Variants in MECOM observed in about 807,000 individuals in gnomAD.
MECOM encodes the protein histone-lysine N-methyltransferase MECOM.
Under a neutral mutation model 116.3 loss-of-function variants are expected in MECOM, and 13 were observed. The ratio of observed to expected loss-of-function variants is 0.11; its 90% confidence interval spans 0.07 to 0.18. The LOEUF is 0.18. Among genes scored for constraint, MECOM ranks in the 10% least tolerant of loss-of-function variants. The probability of loss-of-function intolerance (pLI) is 1.00; values close to 1 mark genes in which losing one functional copy is unlikely to be tolerated. For missense variants in MECOM, 1,299 were observed against 1,509.0 expected, an observed-to-expected ratio of 0.86 and a Z score of 2.31; for synonymous variants, 528 against 535.2, an observed-to-expected ratio of 0.99 and a Z score of 0.19.
At chr3:169,457,767 C>G (rs527972672) in intron 1 of MECOM, among the ~76,000 whole-genome samples, 1 of 152,300 alleles carries the variant, frequency 6.6e-6, no homozygotes, top group Non-Finnish European at 1.5e-5. Flanking sequence ...CAGGCCCTCA[C>G]TGAGGATTTG....
intron 2 of MECOM, among the ~76,000 whole-genome samples, chr3:169,358,725 T>G (rs1270992185): frequency 6.6e-6 from 1 of 151,688 alleles, no homozygotes; most frequent in South Asian, 2.1e-4. Context: ...TACTATTTAA[T>G]GCATGAAAGA....
At chr3:169,414,970 T>C (rs958732570) in intron 1 of MECOM, among the ~76,000 whole-genome samples, 2 of 152,178 alleles carry the variant, frequency 1.3e-5, no homozygotes, top group Non-Finnish European at 2.9e-5. Context: ...CAGGATATTA[T>C]CCAGGAGAAC....
chr3:169,135,747 C>T (rs955506086), intron 3 of MECOM, among the ~76,000 whole-genome samples: 1 of 151,700 alleles, frequency 6.6e-6, no homozygotes, highest in Non-Finnish European at 1.5e-5. Flanking sequence ...TTCTATGAAG[C>T]AATATTTGTG....
intron 9 of MECOM, among the ~76,000 whole-genome samples, chr3:169,112,171 G>C (rs1282051596): frequency 6.6e-6 from 1 of 152,022 alleles, no homozygotes; most frequent in African/African-American, 2.4e-5. Flanking sequence ...AGGACTTTAG[G>C]ATGAACCAAT....
At chr3:169,580,678 A>G (rs1765025109) in intron 1 of MECOM, among the ~76,000 whole-genome samples, 1 of 152,168 alleles carries the variant, frequency 6.6e-6, no homozygotes, top group Non-Finnish European at 1.5e-5. Context: ...TAATTAATTA[A>G]GTTAGTAAGT....
rs762113818 is a variant in MECOM at position 169,523,035 on chromosome 3, T to C, written c.37+140301A>G. ...ATGACATCATGTTATAGATGATTTT[T>C]GTAATGTCATCACTTTGAAAAATTA... On this transcript the variant is annotated intron_variant, in intron 1 of 16. Coordinates refer to ENST00000651503, the MANE Select transcript of MECOM (RefSeq NM_004991.4). 9.2e-5 allele frequency among the ~76,000 whole-genome samples: 14 copies of C among 152,360 alleles called. No homozygotes were observed. In the Middle Eastern group the frequency reaches 0.01, roughly 111 times the overall value.
At chr3:169,371,514 TACAC>T (rs35247420) in intron 2 of MECOM, among the ~76,000 whole-genome samples, 4 of 149,550 alleles carry the variant, frequency 2.7e-5, no homozygotes, top group African/African-American at 4.9e-5. Flanking sequence ...GTATTTTCAC[TACAC>T]ACACACACAC....
At chr3:169,561,395 T>C (rs1405519228) in intron 1 of MECOM, among the ~76,000 whole-genome samples, 1 of 152,112 alleles carries the variant, frequency 6.6e-6, no homozygotes, top group Non-Finnish European at 1.5e-5. Context: ...TGAAATATTA[T>C]AAAGCAATAA....
intron 2 of MECOM, among the ~76,000 whole-genome samples, chr3:169,270,416 C>T (rs980753885): frequency 7.2e-5 from 11 of 151,806 alleles, no homozygotes; most frequent in Non-Finnish European, 1.2e-4. Context: ...TACTTATATG[C>T]AATTTATAAT....
Position 169,090,044 on chromosome 3 carries a change from T to C in MECOM, c.3357A>G (p.Glu1119=). The C allele has an allele frequency of 6.2e-7, 1 of 1,613,668 alleles. No individual in the cohort carries two copies. Among genetic ancestry groups the C allele is most frequent in the Non-Finnish European group, 8.5e-7 (1 of 1,179,674 alleles). ...AACTCATCTCCAGGGCACTGGTTTC[T>C]TCATAGTCATCCTCAGGGTTTCCTT... The part of the protein sequence containing the change: ...LHEGNPEDDY[E]ETSALEMSCK... Residue 1119 remains glutamate (E), a synonymous_variant, in exon 15 of 17, where the codon GAA becomes GAG. Coordinates refer to ENST00000651503, the MANE Select transcript of MECOM (RefSeq NM_004991.4).
chr3:169,560,470 T>C (rs1762515295), intron 1 of MECOM, among the ~76,000 whole-genome samples: 1 of 152,150 alleles, frequency 6.6e-6, no homozygotes, highest in Non-Finnish European at 1.5e-5. Flanking sequence ...TGCATTTTAC[T>C]TTATAAAAAA....
chr3:169,134,123 T>A (rs1735644660), intron 3 of MECOM, among the ~76,000 whole-genome samples: 1 of 152,202 alleles, frequency 6.6e-6, no homozygotes, highest in African/African-American at 2.4e-5. Flanking sequence ...AAGAGAGTAT[T>A]ATGATATCAT....
intron 9 of MECOM, among the ~76,000 whole-genome samples, chr3:169,110,196 C>T (rs1427256318): frequency 1.3e-5 from 2 of 152,146 alleles, no homozygotes; most frequent in South Asian, 4.1e-4. Flanking sequence ...ATCTGTGCCC[C>T]CCTTACTTCT....
chr3:169,209,996 A>G (rs186043275), intron 2 of MECOM, among the ~76,000 whole-genome samples: 161 of 152,346 alleles, frequency 1.1e-3, no homozygotes, highest in Middle Eastern at 3.4e-3. Context: ...AATGTGGTAT[A>G]TATACACCAT....
chr3:169,536,346 CCTT>C (rs1243912717), intron 1 of MECOM, among the ~76,000 whole-genome samples: 2 of 123,538 alleles, frequency 1.6e-5, no homozygotes, highest in Non-Finnish European at 3.1e-5. Flanking sequence ...AAATGTCTCT[CCTT>C]TTTTTTTTTT....
rs541967320 is a variant in MECOM, at chr3:169,348,252, T to C, written c.375+32935A>G. Among the ~76,000 whole-genome samples, 11 of 152,170 alleles carry C rather than the reference T, an allele frequency of 7.2e-5. No homozygotes were observed. The East Asian group carries it at 1.7e-3, about 24-fold the overall frequency. On this transcript the variant is annotated intron_variant, in intron 2 of 16. Transcript: ENST00000651503. ...ATGAGGTGAATGCCCTTAGAAAAAT[T>C]AGTATGTTTTTATTCACTGAAGTAA... is the stretch of plus-strand genomic sequence containing the variant.
chr3:169,492,468 C>T (rs944319451), intron 1 of MECOM, among the ~76,000 whole-genome samples: 3 of 151,994 alleles, frequency 2.0e-5, no homozygotes, highest in African/African-American at 4.8e-5. Flanking sequence ...TATAACAATC[C>T]CTGCCTTCAA....
rs1491423765 is a variant in MECOM, at chr3:169,486,005, ACT to A, written c.38-104483_38-104482del. ...ATATAGTATATATATGTATATATAT[ACT>A]ATATATATATGTATATATAGTATAT... On this transcript the variant is annotated intron_variant, in intron 1 of 16. Transcript: ENST00000651503. Among the ~76,000 whole-genome samples, 187 of 83,356 alleles carry A rather than the reference ACT, an allele frequency of 2.2e-3. 3 individuals carry two copies. The highest frequency in any genetic ancestry group is 5.0e-3 in the Admixed American group (38 of 7,552). 54.7% of individuals were successfully genotyped at this position (83,356 alleles called of 152,430 possible). A position where few individuals can be genotyped will look rare whatever the true frequency, so the allele number is the denominator to read the frequency against.
At chr3:169,194,624 G>A (rs1748167560) in intron 2 of MECOM, among the ~76,000 whole-genome samples, 1 of 151,850 alleles carries the variant, frequency 6.6e-6, no homozygotes, top group Non-Finnish European at 1.5e-5. Flanking sequence ...TACACATCTG[G>A]AAAGCCATAT....
Sources: gnomAD v4.1 joint callset for allele counts (sites outside exome capture counted in the v4.1 genomes callset) on GRCh38, gnomAD v4.1.1 for gene constraint, MANE v1.5 for transcripts, NCBI Gene and HGNC (gene_info 2026-07-23, HGNC 2026-07-21) for gene names.